IL1RAPL2: variants seen among roughly 807,000 people sequenced by gnomAD.
IL1RAPL2 encodes interleukin 1 receptor accessory protein like 2, also known as X-linked interleukin-1 receptor accessory protein-like 2.
Under a neutral mutation model 44.1 loss-of-function variants are expected in IL1RAPL2, and 3 were observed. That is an observed-to-expected ratio of 0.07 (90% CI 0.03 to 0.18). The LOEUF (loss-of-function observed/expected upper bound fraction) is 0.18, where lower values mean the gene tolerates loss of function less well. IL1RAPL2 is among the 10% of genes least tolerant of loss of function. IL1RAPL2 has a pLI of 1.00. For missense variants in IL1RAPL2, 391 were observed against 496.4 expected, an observed-to-expected ratio of 0.79 and a Z score of 2.02; for synonymous variants, 181 against 178.8, an observed-to-expected ratio of 1.01 and a Z score of -0.10.
intron 2 of IL1RAPL2, among the ~76,000 whole-genome samples, chrX:104,728,105 T>TAAAGAA (rs1177559484): frequency 9.1e-6 from 1 of 109,897 alleles, no homozygotes; most frequent in Non-Finnish European, 1.9e-5. Flanking sequence ...TCTATAAAAA[T>TAAAGAA]AAAGAAAAAG....
chrX:105,501,368 A>G (rs2147782331), intron 6 of IL1RAPL2, among the ~76,000 whole-genome samples: 1 of 111,609 alleles, frequency 9.0e-6, no homozygotes, highest in African/African-American at 3.3e-5. Flanking sequence ...TCATGCCTGT[A>G]ATCCTAGCAC....
At chrX:104,986,966 A>G (rs1041162719) in intron 2 of IL1RAPL2, among the ~76,000 whole-genome samples, 5 of 112,457 alleles carry the variant, frequency 4.4e-5, no homozygotes, top group African/African-American at 1.6e-4. Flanking sequence ...AAGAAATGAC[A>G]TGAAATGCAC....
intron 4 of IL1RAPL2, among the ~76,000 whole-genome samples, chrX:105,250,067 C>G (rs1318322475): frequency 1.8e-5 from 2 of 110,617 alleles, no homozygotes; most frequent in Non-Finnish European, 3.8e-5. Flanking sequence ...CATGGAGAAA[C>G]CTTAAATGTG....
intron 3 of IL1RAPL2, among the ~76,000 whole-genome samples, chrX:105,195,978 A>G (rs1306319561): frequency 8.9e-6 from 1 of 111,791 alleles, no homozygotes; most frequent in African/African-American, 3.2e-5. Context: ...TGCTTATTTA[A>G]TTTAGAAAAT....
intron 5 of IL1RAPL2, among the ~76,000 whole-genome samples, chrX:105,349,187 C>T (rs1345296072): frequency 8.9e-6 from 1 of 111,902 alleles, no homozygotes; most frequent in Non-Finnish European, 1.9e-5. Context: ...GTGTAACTGA[C>T]TTGTGACATG....
intron 3 of IL1RAPL2, among the ~76,000 whole-genome samples, chrX:105,228,863 C>T (rs1275472785): frequency 8.9e-6 from 1 of 112,002 alleles, no homozygotes; most frequent in Non-Finnish European, 1.9e-5. Context: ...CTCTCTGTGT[C>T]TATGTTTTAC....
At chrX:105,233,079 C>T (rs1225911469) in intron 3 of IL1RAPL2, among the ~76,000 whole-genome samples, 2 of 111,673 alleles carry the variant, frequency 1.8e-5, no homozygotes, top group African/African-American at 6.5e-5. Flanking sequence ...GTCAGCAGAT[C>T]CAGACCATCC....
At chrX:105,214,067 G>A (rs966616333) in intron 3 of IL1RAPL2, among the ~76,000 whole-genome samples, 5 of 105,041 alleles carry the variant, frequency 4.8e-5, no homozygotes, top group Admixed American at 1.1e-4. Context: ...ATCAACTAAT[G>A]TGCAAAATAA....
chrX:105,716,120 A>G (rs2038254677), intron 6 of IL1RAPL2, among the ~76,000 whole-genome samples: 1 of 110,860 alleles, frequency 9.0e-6, no homozygotes, highest in East Asian at 2.8e-4. Flanking sequence ...TCATAAGAAA[A>G]TTAACCACCA....
chrX:104,850,486 G>A, intron 2 of IL1RAPL2, among the ~76,000 whole-genome samples: 1 of 111,578 alleles, frequency 9.0e-6, no homozygotes, highest in African/African-American at 3.2e-5. Context: ...ATATATTATG[G>A]TTTTGAACTG....
rs1232496506 is a variant in IL1RAPL2 at position 104,730,571 on chromosome X, C to T, written c.82+71576C>T. Among the ~76,000 whole-genome samples the T allele has an allele frequency of 9.5e-5, 10 of 105,379 alleles. No individual in the cohort carries two copies. In the South Asian group the frequency reaches 4.4e-3, roughly 46 times the overall value. The allele number at this position is 105,379 out of a possible 115,157, so 91.5% of individuals were successfully genotyped here. A position where few individuals can be genotyped will look rare whatever the true frequency, so the allele number is the denominator to read the frequency against. Reference sequence around the variant, plus strand: ...ATGAACTCATCATTTTTTATGGCTGCATAGTATTCCATGGTGTATATGTGC... The same window carrying T: ...ATGAACTCATCATTTTTTATGGCTGTATAGTATTCCATGGTGTATATGTGC... On this transcript the variant is annotated intron_variant, in intron 2 of 10. Transcript: ENST00000372582.
chrX:104,705,151 C>T (rs1449426935), intron 2 of IL1RAPL2, among the ~76,000 whole-genome samples: 2 of 111,744 alleles, frequency 1.8e-5, no homozygotes, highest in Non-Finnish European at 3.8e-5. Context: ...TTCATTATGC[C>T]ATTTAACTGG....
intron 1 of IL1RAPL2, among the ~76,000 whole-genome samples, chrX:104,642,914 C>T (rs746613669): frequency 8.9e-6 from 1 of 111,992 alleles, no homozygotes; most frequent in African/African-American, 3.2e-5. Context: ...GCTGTATTTT[C>T]GGGTATCTTT....
At chrX:104,618,787 C>T (rs1408028217) in intron 1 of IL1RAPL2, among the ~76,000 whole-genome samples, 2 of 111,486 alleles carry the variant, frequency 1.8e-5, no homozygotes, top group Non-Finnish European at 3.8e-5. Flanking sequence ...GGAGTTCTGC[C>T]TGGACATGGA....
rs779282287 is a variant in IL1RAPL2, at chrX:105,058,328, C to T, written c.83-137147C>T. 9.4e-4 allele frequency among the ~76,000 whole-genome samples: 105 copies of T among 111,649 alleles called. 1 individual carries two copies. In the Admixed American group the frequency reaches 9.6e-3, roughly 10 times the overall value. On this transcript the variant is annotated intron_variant, in intron 2 of 10. Coordinates refer to ENST00000372582, the MANE Select transcript of IL1RAPL2 (RefSeq NM_017416.2). ...CTCAAACTCCTGACCTCAGGTGATC[C>T]ACATGCCTCAACCTCCCAAAGTGTT... is the stretch of plus-strand genomic sequence containing the variant.
At chrX:104,920,429 A>AT (rs1317105087) in intron 2 of IL1RAPL2, among the ~76,000 whole-genome samples, 1 of 109,086 alleles carries the variant, frequency 9.2e-6, no homozygotes, top group Non-Finnish European at 1.9e-5. Flanking sequence ...GGAGGTGATC[A>AT]TGTCATAGGG....
chrX:105,241,522 A>G (rs1218660492), intron 4 of IL1RAPL2, among the ~76,000 whole-genome samples: 1 of 111,870 alleles, frequency 8.9e-6, no homozygotes, highest in Non-Finnish European at 1.9e-5. Flanking sequence ...GTATACTGTT[A>G]ATGTCAACCC....
At chrX:104,984,206 C>T (rs999821239) in intron 2 of IL1RAPL2, among the ~76,000 whole-genome samples, 1 of 111,993 alleles carries the variant, frequency 8.9e-6, no homozygotes. Flanking sequence ...AGATTAAGAA[C>T]TTTCAGCCTC....
chrX:105,034,339 C>T (rs755213488), intron 2 of IL1RAPL2, among the ~76,000 whole-genome samples: 160 of 111,702 alleles, frequency 1.4e-3, no homozygotes, highest in African/African-American at 5.1e-3. Flanking sequence ...TCTGTTTTTT[C>T]CCCATCTTTG....
Sources: allele counts gnomAD v4.1 joint callset (sites outside exome capture counted in the v4.1 genomes callset), GRCh38; gene constraint gnomAD v4.1.1; transcripts MANE v1.5; gene names NCBI Gene and HGNC (gene_info 2026-07-23, HGNC 2026-07-21).